Variants in TSNAX observed in about 807,000 individuals in gnomAD.
TSNAX encodes translin associated factor X.
TSNAX carries 12 observed loss-of-function variants against 33.0 expected under a neutral mutation model. The observed-to-expected ratio is 0.36, with a 90% confidence interval of 0.23 to 0.59. The LOEUF is 0.59. Among genes scored for constraint, TSNAX ranks in the 20% least tolerant of loss-of-function variants. The pLI is 0.74. For missense variants in TSNAX, 267 were observed against 341.3 expected (o/e 0.78, Z 1.72); for synonymous variants, 110 against 117.2 (o/e 0.94, Z 0.40).
At chr1:231,555,417 A>G (rs924207184) in intron 4 of TSNAX, among the ~76,000 whole-genome samples, 2 of 152,096 alleles carry the variant, frequency 1.3e-5, no homozygotes, top group Admixed American at 1.3e-4. Flanking sequence ...AGGGATGGGG[A>G]GTTAGATTAA....
intron 2 of TSNAX, among the ~76,000 whole-genome samples, chr1:231,533,553 T>C (rs1378678527): frequency 1.3e-5 from 2 of 152,246 alleles, no homozygotes; most frequent in Non-Finnish European, 2.9e-5. Context: ...ATCAGATCAA[T>C]ATTCTACTGT....
rs869062590 is a variant in TSNAX, at chr1:231,560,406, T to TCCC, written c.368-712_368-710dup. Among the ~76,000 whole-genome samples the TCCC allele has an allele frequency of 9.9e-3, 318 of 31,984 alleles. 20 individuals are homozygous for TCCC. Among genetic ancestry groups the TCCC allele is most frequent in the East Asian group, 0.017 (19 of 1,112 alleles). 21.0% of individuals were successfully genotyped at this position (31,984 alleles called of 152,430 possible). A position where few individuals can be genotyped will look rare whatever the true frequency, so the allele number is the denominator to read the frequency against. The stretch of plus-strand genomic sequence containing the variant: ...AATTATGGAATAGGCTTTTCTTTTC[T>TCCC]CCCCCCCCCCCCTTTTTTTTTTTTT... On this transcript the variant is annotated intron_variant, in intron 4 of 5. Transcript: ENST00000366639.
chr1:231,555,448 T>A (rs533146441), intron 4 of TSNAX, among the ~76,000 whole-genome samples: 2 of 152,262 alleles, frequency 1.3e-5, no homozygotes, highest in African/African-American at 4.8e-5. Context: ...GTCCAGAGTT[T>A]CATTTTGGAA....
intron 4 of TSNAX, among the ~76,000 whole-genome samples, chr1:231,549,470 G>A (rs999789792): frequency 6.6e-6 from 1 of 152,148 alleles, no homozygotes; most frequent in African/African-American, 2.4e-5. Flanking sequence ...GTGTAATGGG[G>A]ATGGGAACTT....
rs200331750 is a variant in TSNAX at position 231,528,834 on chromosome 1, C to A, written c.16+8C>A. On this transcript the variant is annotated splice_region_variant and intron_variant, in intron 1 of 5. Coordinates refer to ENST00000366639, the MANE Select transcript of TSNAX (RefSeq NM_005999.3). Reference sequence around the variant, plus strand: ...ACATGAGCAACAAAGAAGGTGGCGTCCTTAACAACACGGGGCGTTATTTAT... The same window carrying A: ...ACATGAGCAACAAAGAAGGTGGCGTACTTAACAACACGGGGCGTTATTTAT... 74 of 1,614,078 alleles carry A rather than the reference C, an allele frequency of 4.6e-5. No individual in the cohort carries two copies. Among genetic ancestry groups the A allele is most frequent in the Non-Finnish European group, 6.1e-5 (72 of 1,180,048 alleles).
chr1:231,529,695 TTCCTC>T (rs1221228579), intron 2 of TSNAX, among the ~76,000 whole-genome samples: 4 of 152,252 alleles, frequency 2.6e-5, no homozygotes, highest in African/African-American at 7.2e-5. Flanking sequence ...GTGTATTTGT[TTCCTC>T]TACTAGACTT....
chr1:231,531,721 T>C (rs1005612268), intron 2 of TSNAX, among the ~76,000 whole-genome samples: 3 of 152,194 alleles, frequency 2.0e-5, no homozygotes, highest in African/African-American at 7.2e-5. Flanking sequence ...TCGTGCAATA[T>C]ACATGATTGG....
intron 2 of TSNAX, among the ~76,000 whole-genome samples, chr1:231,530,960 GT>G (rs71179783): frequency 0.23 from 32,108 of 139,094 alleles, 3,380 homozygotes; most frequent in Admixed American, 0.29. Context: ...CAGTTTTTTG[GT>G]TTTTTTTTTT....
At chr1:231,541,132 TTC>T (rs1295456935) in intron 3 of TSNAX, among the ~76,000 whole-genome samples, 1 of 152,196 alleles carries the variant, frequency 6.6e-6, no homozygotes, top group Non-Finnish European at 1.5e-5. Context: ...CCATCTATTC[TTC>T]TCTCCTTCCT....
At chr1:231,546,725 T>A (rs1382594654) in intron 4 of TSNAX, among the ~76,000 whole-genome samples, 3 of 152,252 alleles carry the variant, frequency 2.0e-5, no homozygotes, top group Non-Finnish European at 4.4e-5. Flanking sequence ...TCTTTCTCTC[T>A]TGAAGACCAG....
At chr1:231,554,170 T>C (rs1248843663) in intron 4 of TSNAX, among the ~76,000 whole-genome samples, 1 of 149,448 alleles carries the variant, frequency 6.7e-6, no homozygotes, top group African/African-American at 2.6e-5. Context: ...TTCCATATTC[T>C]CTCTTTTCCC....
At position 231,564,418 on chromosome 1, in the gene TSNAX, A is replaced by C; in HGVS notation, c.496-110A>C. ...AATTAGTATGACTGATTTGCTATTGATTTTGTACTTCTATAATAAATGTGA... is the reference window on the plus strand; with the variant it reads ...AATTAGTATGACTGATTTGCTATTGCTTTTGTACTTCTATAATAAATGTGA... On this transcript the variant is annotated intron_variant, in intron 5 of 5. Coordinates refer to ENST00000366639, the MANE Select transcript of TSNAX (RefSeq NM_005999.3). 2.0e-6 allele frequency: 3 copies of C among 1,483,990 alleles called. No individual in the cohort carries two copies. The South Asian group carries it at 4.5e-5, about 22-fold the overall frequency. The allele number at this position is 1,483,990 out of a possible 1,614,324, so 91.9% of individuals were successfully genotyped here.
At chr1:231,549,334 T>A (rs970557066) in intron 4 of TSNAX, among the ~76,000 whole-genome samples, 1 of 151,946 alleles carries the variant, frequency 6.6e-6, no homozygotes, top group Non-Finnish European at 1.5e-5. Flanking sequence ...GCAGGAGAAT[T>A]GCTTGAACCC....
chr1:231,552,804 G>A (rs1242337379), intron 4 of TSNAX, among the ~76,000 whole-genome samples: 1 of 152,124 alleles, frequency 6.6e-6, no homozygotes, highest in East Asian at 1.9e-4. Context: ...TGTCTCTATG[G>A]TAATTTGTCT....
At chr1:231,547,841 C>CTTTT (rs35520639) in intron 4 of TSNAX, among the ~76,000 whole-genome samples, 11 of 123,882 alleles carry the variant, frequency 8.9e-5, no homozygotes, top group Admixed American at 1.7e-4. Context: ...CCATTGCTTT[C>CTTTT]TTTTTTTTTT....
intron 4 of TSNAX, among the ~76,000 whole-genome samples, chr1:231,548,045 T>TA (rs1660058229): frequency 1.3e-5 from 2 of 150,772 alleles, no homozygotes; most frequent in Non-Finnish European, 3.0e-5. Flanking sequence ...TTTCACCATG[T>TA]TAGCCAGGAT....
At chr1:231,553,751 A>C (rs563803118) in intron 4 of TSNAX, among the ~76,000 whole-genome samples, 1 of 144,768 alleles carries the variant, frequency 6.9e-6, no homozygotes, top group African/African-American at 2.6e-5. Context: ...CAATGGCGAG[A>C]TCTCGGCTCA....
intron 4 of TSNAX, among the ~76,000 whole-genome samples, chr1:231,544,906 A>C (rs552940449): frequency 6.6e-6 from 1 of 151,206 alleles, no homozygotes; most frequent in Admixed American, 6.7e-5. Flanking sequence ...TCACTGTATC[A>C]TTGAGGATTA....
chr1:231,539,073 C>T (rs72756573), intron 3 of TSNAX, among the ~76,000 whole-genome samples: 20,749 of 152,058 alleles, frequency 0.14, 1,932 homozygotes, highest in East Asian at 0.35. Context: ...GCACTGTTAA[C>T]ATTTTCTTTT....
Sources: gnomAD v4.1 joint callset for allele counts (sites outside exome capture counted in the v4.1 genomes callset) on GRCh38, gnomAD v4.1.1 for gene constraint, MANE v1.5 for transcripts, NCBI Gene and HGNC (gene_info 2026-07-23, HGNC 2026-07-21) for gene names.